The following ZNF157 variants were observed in gnomAD, a reference collection of about 807,000 sequenced individuals.
ZNF157 encodes zinc finger protein 157.
ZNF157 carries 8 observed loss-of-function variants against 9.4 expected under a neutral mutation model. That is an observed-to-expected ratio of 0.85 (90% CI 0.50 to 1.53). The LOEUF is 1.53. Among genes scored for constraint, ZNF157 ranks in the 40% most tolerant of loss-of-function variants. The pLI is 0.00. For synonymous variants in ZNF157, 120 were observed against 130.8 expected (o/e 0.92, Z 0.56); for missense variants, 316 against 385.2 (o/e 0.82, Z 1.50).
intron 1 of ZNF157, among the ~76,000 whole-genome samples, chrX:47,402,854 A>G (rs780392612): frequency 9.2e-6 from 1 of 109,065 alleles, no homozygotes; most frequent in South Asian, 4.1e-4. Context: ...AAGATTTTGT[A>G]TGGATTTAGA....
chrX:47,392,196 T>C (rs192806659), intron 1 of ZNF157: 14 of 129,932 alleles, frequency 1.1e-4, no homozygotes, highest in Admixed American at 1.0e-3. Flanking sequence ...GCCCTGAACC[T>C]GCATTGCTGT....
intron 1 of ZNF157, among the ~76,000 whole-genome samples, chrX:47,374,481 C>T (rs2055837726): frequency 9.6e-6 from 1 of 104,672 alleles, no homozygotes; most frequent in South Asian, 4.5e-4. Context: ...TCACTGCAAC[C>T]TCTGCCTCCC....
intron 3 of ZNF157, among the ~76,000 whole-genome samples, chrX:47,411,737 T>C (rs1267115166): frequency 9.0e-6 from 1 of 111,192 alleles, no homozygotes; most frequent in Non-Finnish European, 1.9e-5. Flanking sequence ...ATATATTCAT[T>C]TAGTCATCCA....
In ZNF157 at chrX:47,413,817, T is replaced by A. The variant is rs2055974955; in HGVS notation, c.*223T>A. ...TTTTCTTCTGTGCATTGACTGTTCA[T>A]GTCCTCTGCTCATTGTTTTCAAATG... On this transcript the variant is annotated 3_prime_UTR_variant, in exon 4 of 4. Coordinates refer to ENST00000377073, the MANE Select transcript of ZNF157 (RefSeq NM_003446.4). 2.6e-6 allele frequency: 1 copy of A among 377,732 alleles called. No homozygotes were observed. Among genetic ancestry groups the A allele is most frequent in the Admixed American group, 5.5e-5 (1 of 18,157 alleles). 31.1% of individuals were successfully genotyped at this position (377,732 alleles called of 1,213,427 possible). A position where few individuals can be genotyped will look rare whatever the true frequency, so the allele number is the denominator to read the frequency against.
intron 1 of ZNF157, among the ~76,000 whole-genome samples, chrX:47,378,894 G>A (rs2055852982): frequency 9.0e-6 from 1 of 111,273 alleles, no homozygotes; most frequent in South Asian, 3.8e-4. Flanking sequence ...AATGAACAAG[G>A]GTAGTTTGGA....
At chrX:47,402,463 T>A (rs1244455507) in intron 1 of ZNF157, among the ~76,000 whole-genome samples, 1 of 111,533 alleles carries the variant, frequency 9.0e-6, no homozygotes, top group Non-Finnish European at 1.9e-5. Flanking sequence ...TATTTCTATT[T>A]CTTCTTTCAT....
chrX:47,373,665 G>T (rs931193280), intron 1 of ZNF157, among the ~76,000 whole-genome samples: 3 of 107,614 alleles, frequency 2.8e-5, no homozygotes, highest in African/African-American at 1.0e-4. Flanking sequence ...ATGTCCTGGA[G>T]CAACTCCTTT....
At chrX:47,376,688 ATGAG>A (rs1266518046) in intron 1 of ZNF157, among the ~76,000 whole-genome samples, 8 of 111,760 alleles carry the variant, frequency 7.2e-5, no homozygotes, top group Non-Finnish European at 1.3e-4. Context: ...CCAGCAATGA[ATGAG>A]TATTACTGTT....
At chrX:47,377,515 A>G (rs1428831597) in intron 1 of ZNF157, among the ~76,000 whole-genome samples, 1 of 109,376 alleles carries the variant, frequency 9.1e-6, no homozygotes, top group African/African-American at 3.3e-5. Flanking sequence ...TGGAGCCTCA[A>G]CCTCCCCAGG....
At chrX:47,371,327 C>A (rs1360953620) in intron 1 of ZNF157, among the ~76,000 whole-genome samples, 1 of 107,244 alleles carries the variant, frequency 9.3e-6, no homozygotes, top group Non-Finnish European at 1.9e-5. Flanking sequence ...CAGAGTGAGA[C>A]CCTGTCTCAA....
At position 47,413,829 on chromosome X, in the gene ZNF157, A is replaced by G. The variant is rs2055974975; in HGVS notation, c.*235A>G. ...CATTGACTGTTCATGTCCTCTGCTC[A>G]TTGTTTTCAAATGGGCTGTTCATCT... On this transcript the variant is annotated 3_prime_UTR_variant, in exon 4 of 4. Coordinates refer to ENST00000377073, the MANE Select transcript of ZNF157 (RefSeq NM_003446.4). 9.2e-6 allele frequency: 3 copies of G among 327,408 alleles called. No homozygotes were observed. The highest frequency in any genetic ancestry group is 5.7e-5 in the Admixed American group (1 of 17,417). The allele number at this position is 327,408 out of a possible 1,213,427, so 27.0% of individuals were successfully genotyped here. A position where few individuals can be genotyped will look rare whatever the true frequency, so the allele number is the denominator to read the frequency against.
chrX:47,400,917 A>G (rs1342126954), intron 1 of ZNF157, among the ~76,000 whole-genome samples: 1 of 111,585 alleles, frequency 9.0e-6, no homozygotes, highest in Non-Finnish European at 1.9e-5. Flanking sequence ...TCGGCCTCCC[A>G]AAGTACTGGG....
intron 1 of ZNF157, among the ~76,000 whole-genome samples, chrX:47,396,367 T>C (rs902085059): frequency 1.8e-5 from 2 of 110,467 alleles, no homozygotes; most frequent in Non-Finnish European, 3.8e-5. Context: ...TGGTGAAACC[T>C]TGTCTCTACT....
At chrX:47,405,521 A>T (rs1401531579) in intron 1 of ZNF157, among the ~76,000 whole-genome samples, 1 of 111,859 alleles carries the variant, frequency 8.9e-6, no homozygotes, top group Admixed American at 9.5e-5. Context: ...AAACCACATC[A>T]GGAACATGTG....
At chrX:47,387,912 A>AT (rs1314280700) in intron 1 of ZNF157, among the ~76,000 whole-genome samples, 1 of 105,027 alleles carries the variant, frequency 9.5e-6, no homozygotes, top group African/African-American at 3.5e-5. Context: ...AAAAAAAAGA[A>AT]TTACAATGCT....
intron 1 of ZNF157, among the ~76,000 whole-genome samples, chrX:47,381,109 CAGA>C (rs200198133): frequency 0.013 from 739 of 58,879 alleles, 19 homozygotes; most frequent in African/African-American, 0.045. Flanking sequence ...GGAGGAAGAG[CAGA>C]AGGAGAAAGA....
chrX:47,395,997 A>G (rs953762520), intron 1 of ZNF157, among the ~76,000 whole-genome samples: 3 of 111,615 alleles, frequency 2.7e-5, no homozygotes, highest in Admixed American at 9.7e-5. Context: ...AATGTTAAGT[A>G]TTAATAGTTT....
chrX:47,371,208 C>T (rs4824611), intron 1 of ZNF157, among the ~76,000 whole-genome samples: 32,762 of 108,754 alleles, frequency 0.3, 3,655 homozygotes, highest in Middle Eastern at 0.5. Context: ...TGTTGTGGCA[C>T]GCACCTGTAC....
intron 1 of ZNF157, among the ~76,000 whole-genome samples, chrX:47,399,314 G>T (rs1014971776): frequency 1.8e-5 from 2 of 111,276 alleles, no homozygotes; most frequent in Non-Finnish European, 3.8e-5. Context: ...TTGTCAGATG[G>T]GGTGAAGGCA....
Sources: gnomAD v4.1 joint callset for allele counts (sites outside exome capture counted in the v4.1 genomes callset) on GRCh38, gnomAD v4.1.1 for gene constraint, MANE v1.5 for transcripts, NCBI Gene and HGNC (gene_info 2026-07-23, HGNC 2026-07-21) for gene names.